Variants in ANKH observed in about 807,000 individuals in gnomAD.
The protein encoded by ANKH is ANKH inorganic pyrophosphate transport regulator, also known as mineralization regulator ANKH.
Under a neutral mutation model 49.0 loss-of-function variants are expected in ANKH, and 15 were observed. The observed-to-expected ratio is 0.31, with a 90% CI of 0.20 to 0.47. The LOEUF is 0.47. ANKH is among the 20% of genes least tolerant of loss of function. The pLI is 1.00. For missense variants in ANKH, 429 were observed against 652.0 expected (o/e 0.66, Z 3.72); for synonymous variants, 273 against 260.0 (o/e 1.05, Z -0.48).
At chr5:14,857,589 C>T (rs566924240) in intron 1 of ANKH, among the ~76,000 whole-genome samples, 12 of 151,912 alleles carry the variant, frequency 7.9e-5, no homozygotes, top group South Asian at 2.1e-4. Context: ...ACCTGGGAGG[C>T]GGAGGTTGCA....
intron 1 of ANKH, among the ~76,000 whole-genome samples, chr5:14,867,896 T>C (rs961333117): frequency 6.6e-6 from 1 of 152,168 alleles, no homozygotes; most frequent in Admixed American, 6.5e-5. Context: ...CTTTTTTTAG[T>C]ACAAAATTCA....
intron 1 of ANKH, among the ~76,000 whole-genome samples, chr5:14,851,208 G>C (rs949133372): frequency 1.8e-4 from 27 of 152,290 alleles, no homozygotes; most frequent in African/African-American, 6.5e-4. Flanking sequence ...AAGGAAGGCT[G>C]GCTGCAGGCT....
At chr5:14,712,596 A>G (rs1448173629) in intron 11 of ANKH, among the ~76,000 whole-genome samples, 1 of 152,156 alleles carries the variant, frequency 6.6e-6, no homozygotes, top group African/African-American at 2.4e-5. Context: ...ATTTCGCCCC[A>G]TCTACGCTGG....
intron 1 of ANKH, among the ~76,000 whole-genome samples, chr5:14,781,314 C>G (rs1739798921): frequency 6.6e-6 from 1 of 152,164 alleles, no homozygotes; most frequent in African/African-American, 2.4e-5. Flanking sequence ...GAACCTGGTC[C>G]CTTCAGGAGT....
chr5:14,799,167 G>A (rs1371331721), intron 1 of ANKH, among the ~76,000 whole-genome samples: 1 of 152,196 alleles, frequency 6.6e-6, no homozygotes, highest in Non-Finnish European at 1.5e-5. Context: ...CTAATCCAGG[G>A]CAAGGCTCTC....
chr5:14,745,851 A>G lies in ANKH; in HGVS notation c.915+19T>C. 1 of 1,612,782 alleles carries G rather than the reference A, an allele frequency of 6.2e-7. No homozygotes were observed. Among genetic ancestry groups the G allele is most frequent in the Non-Finnish European group, 8.5e-7 (1 of 1,178,790 alleles). ...ATTTCAAAAGCATGTTTCAGACACG[A>G]CACCGCACGGGTTCTCACCTTGTCG... On this transcript the variant is annotated intron_variant, in intron 7 of 11. Coordinates refer to ENST00000284268, the MANE Select transcript of ANKH (RefSeq NM_054027.6). The surrounding 1 kb of genome is among the most constrained non-coding windows in gnomAD (Gnocchi z 4.7).
intron 1 of ANKH, among the ~76,000 whole-genome samples, chr5:14,773,166 T>C (rs1029723426): frequency 1.3e-5 from 2 of 152,174 alleles, no homozygotes; most frequent in African/African-American, 4.8e-5. Flanking sequence ...AACAATAGCA[T>C]GTGGTTTGTT....
intron 1 of ANKH, among the ~76,000 whole-genome samples, chr5:14,771,320 C>T (rs1739422297): frequency 6.6e-6 from 1 of 152,218 alleles, no homozygotes; most frequent in Admixed American, 6.5e-5. Flanking sequence ...ATAACTTCAG[C>T]ATACCCTGAG....
intron 1 of ANKH, among the ~76,000 whole-genome samples, chr5:14,824,650 C>T (rs963188489): frequency 6.6e-6 from 1 of 152,126 alleles, no homozygotes; most frequent in Non-Finnish European, 1.5e-5. Context: ...CTGACAGGAG[C>T]GACTGCCAAC....
chr5:14,813,877 AT>A (rs1386982225), intron 1 of ANKH, among the ~76,000 whole-genome samples: 1 of 152,098 alleles, frequency 6.6e-6, no homozygotes, highest in Non-Finnish European at 1.5e-5. Flanking sequence ...TCTGTGCCAT[AT>A]TCTTCCAGCT....
chr5:14,848,001 G>A (rs1015607760), intron 1 of ANKH, among the ~76,000 whole-genome samples: 46 of 152,264 alleles, frequency 3.0e-4, no homozygotes, highest in Admixed American at 2.9e-3. Context: ...TTAGCCGGGT[G>A]TGGTGGCTTG....
intron 2 of ANKH, chr5:14,768,216 G>A (rs1025538747): frequency 6.6e-6 from 1 of 152,248 alleles, no homozygotes; most frequent in African/African-American, 2.4e-5. Context: ...TAAACAATCA[G>A]TAACAATTTT....
intron 1 of ANKH, among the ~76,000 whole-genome samples, chr5:14,792,741 G>A (rs43178): frequency 0.61 from 91,985 of 151,030 alleles, 28,615 homozygotes; most frequent in South Asian, 0.77. Flanking sequence ...TTGGGAGGCC[G>A]AGACAGGTGG....
chr5:14,798,369 G>C, intron 1 of ANKH: 2 of 1,567,762 alleles, frequency 1.3e-6, no homozygotes, highest in East Asian at 4.5e-5. Flanking sequence ...TTCTTCCACT[G>C]TGTTGTCAAA....
chr5:14,861,279 G>C (rs1217556028), intron 1 of ANKH, among the ~76,000 whole-genome samples: 1 of 152,038 alleles, frequency 6.6e-6, no homozygotes, highest in Admixed American at 6.6e-5. Flanking sequence ...TCCTTCTCAC[G>C]TCCTCAGAAG....
intron 1 of ANKH, 136 bp downstream of exon 1, chr5:14,871,216 T>C: frequency 1.3e-6 from 1 of 777,650 alleles, no homozygotes; most frequent in Non-Finnish European, 2.2e-6. Flanking sequence ...AAAGTCACCC[T>C]TGACAAGCTG....
chr5:14,831,196 A>C (rs917277327), intron 1 of ANKH, among the ~76,000 whole-genome samples: 1 of 152,030 alleles, frequency 6.6e-6, no homozygotes, highest in African/African-American at 2.4e-5. Context: ...GGGAGCCCTA[A>C]AATGAAGGGT....
At chr5:14,804,539 T>C (rs1354120411) in intron 1 of ANKH, among the ~76,000 whole-genome samples, 2 of 152,226 alleles carry the variant, frequency 1.3e-5, no homozygotes, top group African/African-American at 2.4e-5. Flanking sequence ...AGAGTCTGTG[T>C]CTACTTTACG....
intron 1 of ANKH, chr5:14,797,560 A>G: frequency 6.2e-7 from 1 of 1,610,864 alleles, no homozygotes; most frequent in African/African-American, 1.3e-5. Flanking sequence ...TAAGGACTGA[A>G]AGAAAGGCAG....
Sources: gnomAD v4.1 joint callset for allele counts (sites outside exome capture counted in the v4.1 genomes callset) on GRCh38, gnomAD v4.1.1 for gene constraint, Gnocchi (gnomAD v3.1) non-coding constraint, MANE v1.5 for transcripts, NCBI Gene and HGNC (gene_info 2026-07-23, HGNC 2026-07-21) for gene names.